PLXND1: variants seen among roughly 807,000 people sequenced by gnomAD.
The protein encoded by PLXND1 is plexin-D1.
PLXND1 carries 54 observed loss-of-function variants against 197.7 expected under a neutral mutation model. The observed-to-expected ratio is 0.27, with a 90% CI of 0.22 to 0.34. The LOEUF (loss-of-function observed/expected upper bound fraction) is 0.34, where lower values mean the gene tolerates loss of function less well. Ranked by LOEUF, PLXND1 falls within the 10% of genes least tolerant of loss-of-function variation. The pLI is 1.00. For missense variants in PLXND1, 2,127 were observed against 2,699.2 expected (o/e 0.79, Z 4.70); for synonymous variants, 1,180 against 1,161.2 (o/e 1.02, Z -0.33).
Position 129,556,103 on chromosome 3 carries a change from C to G in PLXND1, c.*209G>C, listed in dbSNP as rs556827403. On this transcript the variant is annotated 3_prime_UTR_variant, in exon 36 of 36. Transcript: ENST00000324093. Reference sequence around the variant, plus strand: ...TCTGGCCTCCATCCCAGAGACTGATCTGGGGACAGGTGGGAGGGGATGGAG... The same window carrying G: ...TCTGGCCTCCATCCCAGAGACTGATGTGGGGACAGGTGGGAGGGGATGGAG... 3.6e-6 allele frequency: 2 copies of G among 553,606 alleles called. No individual in the cohort carries two copies. Among genetic ancestry groups the G allele is most frequent in the Non-Finnish European group, 6.5e-6 (2 of 307,386 alleles). 34.3% of individuals were successfully genotyped at this position (553,606 alleles called of 1,614,324 possible).
chr3:129,561,754 T>A, intron 28 of PLXND1, 45 bp from the exon 29 acceptor site: 1 of 535,916 alleles, frequency 1.9e-6, no homozygotes, highest in South Asian at 4.1e-5. Context: ...GAGGTTGGGG[T>A]GGGGGCATGA....
At chr3:129,579,887 G>A (rs999691812) in intron 8 of PLXND1, among the ~76,000 whole-genome samples, 9 of 152,200 alleles carry the variant, frequency 5.9e-5, no homozygotes, top group Non-Finnish European at 1.2e-4. Flanking sequence ...AGGGACCCCA[G>A]CCCAAAACCG....
At chr3:129,567,050 G>A (rs2085151209) in intron 22 of PLXND1, among the ~76,000 whole-genome samples, 1 of 148,560 alleles carries the variant, frequency 6.7e-6, no homozygotes, top group South Asian at 2.1e-4. Context: ...GAGGGTAGTG[G>A]ACCCTGGAAG....
chr3:129,571,179 T>C lies in PLXND1; in HGVS notation c.3461A>G (p.Glu1154Gly), dbSNP rs758658232. The C allele has an allele frequency of 1.2e-6, 2 of 1,614,186 alleles. No individual in the cohort carries two copies. The highest frequency in any genetic ancestry group is 1.7e-6 in the Non-Finnish European group (2 of 1,180,020). ...RAYADEVAVA[E>G]ELLDPEEAQR... Reference sequence around the variant, plus strand: ...TGCCTCCTCGGGGTCCAGTAGCTCCTCAGCCACAGCCACCTCGTCTGCGTA... The same window carrying C: ...TGCCTCCTCGGGGTCCAGTAGCTCCCCAGCCACAGCCACCTCGTCTGCGTA... The change falls in exon 18 of 36, where the codon GAG becomes GGG. Residue 1154 changes from glutamate (E) to glycine (G), a missense_variant. Glu to Gly is a moderately conservative substitution (Grantham distance 98). This residue lies in a region of PLXND1 where 532 missense variants were observed against 811.0 expected (regional missense o/e 0.66). Coordinates refer to ENST00000324093, the MANE Select transcript of PLXND1 (RefSeq NM_015103.3).
At chr3:129,579,263 A>C (rs1010885) in intron 8 of PLXND1, among the ~76,000 whole-genome samples, 1 of 152,142 alleles carries the variant, frequency 6.6e-6, no homozygotes, top group Non-Finnish European at 1.5e-5. Context: ...GGCGGAGGAC[A>C]GGGCTGGCCC....
chr3:129,582,986 C>A (rs1415696857), intron 8 of PLXND1, among the ~76,000 whole-genome samples: 2 of 152,192 alleles, frequency 1.3e-5, no homozygotes, highest in African/African-American at 4.8e-5. Flanking sequence ...AGCTGCAGCA[C>A]CACCCACCCT....
chr3:129,565,303 C>T (rs2085121973), intron 25 of PLXND1, 37 bp downstream of exon 25: 3 of 1,581,342 alleles, frequency 1.9e-6, no homozygotes, highest in Non-Finnish European at 2.6e-6. Flanking sequence ...CTGCCACGTC[C>T]CCCGCCTGGG....
chr3:129,598,219 G>C (rs1314694534), intron 1 of PLXND1, among the ~76,000 whole-genome samples: 1 of 152,132 alleles, frequency 6.6e-6, no homozygotes, highest in Non-Finnish European at 1.5e-5. Flanking sequence ...GCTCTGCCTG[G>C]AATGCCTTCC....
rs369509884 is a variant in PLXND1 at position 129,556,442 on chromosome 3, C to A, written c.5662-14G>T. On this transcript the variant is annotated splice_polypyrimidine_tract_variant and intron_variant, in intron 35 of 35. Transcript: ENST00000324093. ...CGCGGCCATGATCTGAGGGGAGCAGCGGAGTCAGCCGGGCCATGGCCGGTA... is the reference window on the plus strand; with the variant it reads ...CGCGGCCATGATCTGAGGGGAGCAGAGGAGTCAGCCGGGCCATGGCCGGTA... 1.3e-6 allele frequency: 2 copies of A among 1,596,810 alleles called. No individual in the cohort carries two copies. The highest frequency in any genetic ancestry group is 1.1e-5 in the South Asian group (1 of 90,694).
chr3:129,573,853 G>T, intron 12 of PLXND1, 108 bp from the exon 13 acceptor site: 1 of 1,251,258 alleles, frequency 8.0e-7, no homozygotes, highest in Non-Finnish European at 1.1e-6. Flanking sequence ...CAGACCCACT[G>T]CTTAGAGGAA....
intron 1 of PLXND1, among the ~76,000 whole-genome samples, chr3:129,604,212 G>A (rs1433617561): frequency 2.0e-5 from 3 of 151,702 alleles, no homozygotes; most frequent in South Asian, 2.1e-4. Flanking sequence ...TGAGCCCCAC[G>A]GCCCTCTCCT....
rs145796623 is a variant in PLXND1 at position 129,561,257 on chromosome 3, C to T, written c.4993+389G>A. Among the ~76,000 whole-genome samples the T allele has an allele frequency of 1.2e-3, 178 of 152,288 alleles. 1 individual carries two copies. Among genetic ancestry groups the T allele is most frequent in the African/African-American group, 4.0e-3 (168 of 41,574 alleles). On this transcript the variant is annotated intron_variant, in intron 29 of 35. Coordinates refer to ENST00000324093, the MANE Select transcript of PLXND1 (RefSeq NM_015103.3). The stretch of plus-strand genomic sequence containing the variant: ...GGGGACCCCGAGACCCAGAGGATCC[C>T]GGGCTCGCAGGCCTGGCAGCCAGGA...
chr3:129,563,278 T>C (rs1035589744), intron 25 of PLXND1, 38 bp from the exon 26 acceptor site: 8 of 1,555,202 alleles, frequency 5.1e-6, no homozygotes, highest in Non-Finnish European at 7.0e-6. Context: ...AGGCCCCCTC[T>C]GTATTCCAGC....
At chr3:129,564,759 C>G (rs2085113170) in intron 25 of PLXND1, among the ~76,000 whole-genome samples, 2 of 152,268 alleles carry the variant, frequency 1.3e-5, no homozygotes, top group African/African-American at 4.8e-5. Context: ...TCCTTCTATT[C>G]CTTCCACGAA....
Position 129,571,163 on chromosome 3 carries a change from G to C in PLXND1, c.3477C>G (p.Pro1159=). The change falls in exon 18 of 36, where the codon CCC becomes CCG. Residue 1159 remains proline, a synonymous_variant. Coordinates refer to ENST00000324093, the MANE Select transcript of PLXND1 (RefSeq NM_015103.3). ...EVAVAEELLD[P]EEAQRGSRFR... ...ACCTGCTGCCCCGCTGTGCCTCCTC[G>C]GGGTCCAGTAGCTCCTCAGCCACAG... 6.2e-7 allele frequency: 1 copy of C among 1,614,214 alleles called. No individual in the cohort carries two copies. Among genetic ancestry groups the C allele is most frequent in the South Asian group, 1.1e-5 (1 of 91,088 alleles).
At chr3:129,596,655 T>C (rs995601206) in intron 1 of PLXND1, among the ~76,000 whole-genome samples, 2 of 152,122 alleles carry the variant, frequency 1.3e-5, no homozygotes, top group Non-Finnish European at 2.9e-5. Context: ...AGCCGAGAAA[T>C]AGTTGCCTCT....
At position 129,556,662 on chromosome 3, in the gene PLXND1, C is replaced by A; in HGVS notation, c.5616G>T (p.Val1872=). 1 of 1,613,456 alleles carries A rather than the reference C, an allele frequency of 6.2e-7. No homozygotes were observed. Among genetic ancestry groups the A allele is most frequent in the Non-Finnish European group, 8.5e-7 (1 of 1,179,584 alleles). ...CGTACTTATAAATCTCTGCCATGGCCACATTGGTGTTGAACTCATTCTGGT... is the reference window on the plus strand; with the variant it reads ...CGTACTTATAAATCTCTGCCATGGCAACATTGGTGTTGAACTCATTCTGGT... The part of the protein sequence containing the change: ...RKYQNEFNTN[V]AMAEIYKYAK... The change falls in exon 35 of 36, where the codon GTG becomes GTT. Residue 1872 remains valine, a synonymous_variant. Transcript: ENST00000324093.
intron 1 of PLXND1, among the ~76,000 whole-genome samples, chr3:129,589,963 G>A (rs2085515057): frequency 6.6e-6 from 1 of 152,128 alleles, no homozygotes; most frequent in Admixed American, 6.5e-5. Context: ...CCCAAGAGGT[G>A]TCCCTCTTGC....
intron 19 of PLXND1, 82 bp downstream of exon 19, chr3:129,570,704 G>A (rs1292880783): frequency 1.5e-6 from 2 of 1,375,940 alleles, no homozygotes; most frequent in East Asian, 4.6e-5. Flanking sequence ...GTGAATTCAG[G>A]TGCTGGGTGA....
Sources: allele counts gnomAD v4.1 joint callset (sites outside exome capture counted in the v4.1 genomes callset), GRCh38; gene constraint gnomAD v4.1.1; regional missense constraint gnomAD v4.1.1; transcripts MANE v1.5; gene names NCBI Gene and HGNC (gene_info 2026-07-23, HGNC 2026-07-21).